MYOF: variants seen among roughly 807,000 people sequenced by gnomAD.
MYOF encodes the protein fer-1-like 3, myoferlin.
Under a neutral mutation model 284.2 loss-of-function variants are expected in MYOF, and 244 were observed. That is an observed-to-expected ratio of 0.86 (90% CI 0.77 to 0.95). The LOEUF (loss-of-function observed/expected upper bound fraction) is 0.95, where lower values mean the gene tolerates loss of function less well. Among genes scored for constraint, MYOF ranks in the 40% least tolerant of loss-of-function variants. The pLI is 0.00. For missense variants in MYOF, 2,496 were observed against 2,560.6 expected (o/e 0.97, Z 0.54); for synonymous variants, 904 against 919.7 (o/e 0.98, Z 0.31).
chr10:93,399,433 G>A lies in MYOF; in HGVS notation c.1180C>T (p.Leu394Phe). 2 of 1,613,804 alleles carry A rather than the reference G, an allele frequency of 1.2e-6. No individual in the cohort carries two copies. Among genetic ancestry groups the A allele is most frequent in the East Asian group, 2.2e-5 (1 of 44,842 alleles). ...IFGGNADKKN[L>F]VDPFVEVSFA... ...GAAACTTCTACAAAAGGATCCACGA[G>A]ATTTTTCTTATCTGCATTGCCTCCA... The change falls in exon 13 of 54, where the codon CTC becomes TTC. Residue 394 changes from leucine to phenylalanine, a missense_variant. This residue lies in a region of MYOF where 2,436 missense variants were observed against 2,480.7 expected (regional missense o/e 0.98). Transcript: ENST00000359263.
At position 93,310,414 on chromosome 10, in the gene MYOF, C is replaced by G. The variant is rs892161199; in HGVS notation, c.5999+120G>C. The G allele has an allele frequency of 7.5e-6, 8 of 1,071,938 alleles. No homozygotes were observed. In the African/African-American group the frequency reaches 1.3e-4, roughly 17 times the overall value. 66.4% of individuals were successfully genotyped at this position (1,071,938 alleles called of 1,614,324 possible). A position where few individuals can be genotyped will look rare whatever the true frequency, so the allele number is the denominator to read the frequency against. ...CACCAACCTCTCCACCCCCACCCAC[C>G]ACTATTAAATACCAGATTAGGAGGA... On this transcript the variant is annotated intron_variant, in intron 52 of 53. Transcript: ENST00000359263.
chr10:93,307,630 T>C (rs1267173285), intron 53 of MYOF, among the ~76,000 whole-genome samples: 19 of 151,094 alleles, frequency 1.3e-4, no homozygotes, highest in Admixed American at 1.3e-3. Flanking sequence ...ATAGAATTTT[T>C]TTTTTTTTTT....
At chr10:93,481,923 G>A (rs7912414) in intron 1 of MYOF, among the ~76,000 whole-genome samples, 184 bp downstream of exon 1, 26,400 of 152,066 alleles carry the variant, frequency 0.17, 2,665 homozygotes, top group East Asian at 0.52. Flanking sequence ...TGAGTCTCAA[G>A]CCCTGGAGAA....
chr10:93,381,154 T>G, intron 20 of MYOF, 65 bp downstream of exon 20: 1 of 1,539,796 alleles, frequency 6.5e-7, no homozygotes, highest in Non-Finnish European at 8.9e-7. Flanking sequence ...GACACAGTGC[T>G]TGCTTCCGGT....
chr10:93,428,611 AG>A (rs1848702797), intron 4 of MYOF, among the ~76,000 whole-genome samples: 25 of 140,804 alleles, frequency 1.8e-4, no homozygotes, highest in African/African-American at 6.7e-4. Flanking sequence ...ACACACACAC[AG>A]TGCATTGCCC....
intron 5 of MYOF, among the ~76,000 whole-genome samples, chr10:93,412,260 C>T (rs1037786639): frequency 2.6e-5 from 4 of 152,168 alleles, no homozygotes; most frequent in Admixed American, 6.5e-5. Flanking sequence ...ACATGTTATG[C>T]TCCTAGTACC....
intron 22 of MYOF, among the ~76,000 whole-genome samples, chr10:93,376,995 G>T (rs184458043): frequency 8.4e-4 from 128 of 152,258 alleles, no homozygotes; most frequent in African/African-American, 2.6e-3. Flanking sequence ...CAGGGTGGGG[G>T]TCATTCTTGG....
chr10:93,371,909 C>T (rs1044258594), intron 24 of MYOF, among the ~76,000 whole-genome samples: 4 of 152,194 alleles, frequency 2.6e-5, no homozygotes, highest in African/African-American at 9.7e-5. Flanking sequence ...GTGCCTTTGT[C>T]TCCTCTCCCA....
Position 93,372,911 on chromosome 10 carries a change from A to G in MYOF, c.2457+19T>C. On this transcript the variant is annotated intron_variant, in intron 24 of 53. Transcript: ENST00000359263. ...TTTTGCATTTAGTGTGTTTCACATGACACAGTGAAGATATGTACCTTCAGA... is the reference window on the plus strand; with the variant it reads ...TTTTGCATTTAGTGTGTTTCACATGGCACAGTGAAGATATGTACCTTCAGA... The G allele has an allele frequency of 6.2e-7, 1 of 1,613,866 alleles. No homozygotes were observed. Among genetic ancestry groups the G allele is most frequent in the Non-Finnish European group, 8.5e-7 (1 of 1,179,748 alleles).
chr10:93,422,867 T>C (rs1341007759), intron 5 of MYOF, among the ~76,000 whole-genome samples: 2 of 152,332 alleles, frequency 1.3e-5, no homozygotes, highest in East Asian at 1.9e-4. Flanking sequence ...GGTGTGGCGC[T>C]GATCTCTTTA....
intron 3 of MYOF, among the ~76,000 whole-genome samples, chr10:93,439,559 A>G (rs575436566): frequency 1.3e-5 from 2 of 152,346 alleles, no homozygotes; most frequent in South Asian, 2.1e-4. Flanking sequence ...CCTGATGACT[A>G]GGAACGTGGA....
intron 45 of MYOF, 42 bp from the exon 46 acceptor site, chr10:93,326,007 G>T (rs371246922): frequency 1.9e-6 from 3 of 1,612,874 alleles, no homozygotes; most frequent in African/African-American, 2.7e-5. Flanking sequence ...GAGTATTTGG[G>T]AATAGTTCAG....
chr10:93,422,071 C>T (rs562729006), intron 5 of MYOF, among the ~76,000 whole-genome samples: 15 of 152,120 alleles, frequency 9.9e-5, no homozygotes, highest in African/African-American at 2.9e-4. Flanking sequence ...TCAAAGAGCC[C>T]GGTTTATTTT....
intron 51 of MYOF, among the ~76,000 whole-genome samples, chr10:93,312,817 C>G (rs548267506): frequency 6.6e-6 from 1 of 152,296 alleles, no homozygotes; most frequent in East Asian, 1.9e-4. Flanking sequence ...TCCTCCAACT[C>G]CAAACACATG....
intron 36 of MYOF, 151 bp from the exon 37 acceptor site, chr10:93,347,933 C>T: frequency 2.5e-6 from 2 of 789,784 alleles, no homozygotes; most frequent in South Asian, 4.4e-5. Context: ...GCAAGGAGCT[C>T]CGTGCTTAAG....
At chr10:93,313,763 C>G (rs571411231) in intron 50 of MYOF, among the ~76,000 whole-genome samples, 1 of 151,978 alleles carries the variant, frequency 6.6e-6, no homozygotes, top group Non-Finnish European at 1.5e-5. Flanking sequence ...TAGCCGGGCA[C>G]GATGGCACAC....
chr10:93,377,308 G>T lies in MYOF; in HGVS notation c.2108+15C>A. The T allele has an allele frequency of 6.3e-7, 1 of 1,589,252 alleles. No homozygotes were observed. Among genetic ancestry groups the T allele is most frequent in the Non-Finnish European group, 8.6e-7 (1 of 1,157,640 alleles). On this transcript the variant is annotated intron_variant, in intron 22 of 53. Transcript: ENST00000359263. ...CCTGGATGAAAATTCTGAGATAGGC[G>T]TAAGATCACTGTACCTCGTGTCTTC...
chr10:93,442,996 T>TA (rs201475317), intron 3 of MYOF, among the ~76,000 whole-genome samples: 7,168 of 151,814 alleles, frequency 0.047, 220 homozygotes, highest in Non-Finnish European at 0.071. Flanking sequence ...CCGTCTCTGG[T>TA]AAAAAAAATA....
In MYOF at chr10:93,363,992, C is replaced by T. The variant is rs764604249; in HGVS notation, c.2837G>A (p.Trp946Ter). Residue 946 changes from tryptophan (W) to a stop codon, truncating the protein, a stop_gained, in exon 27 of 54, where the codon TGG becomes TAG. Transcript: ENST00000359263. LOFTEE classifies it high-confidence loss of function. ...CGTGTAGGTGTCCTCGGCCGGCTTCCAGTCGCCCCCGGGGTAGCGGCTCTC... is the reference window on the plus strand; with the variant it reads ...CGTGTAGGTGTCCTCGGCCGGCTTCTAGTCGCCCCCGGGGTAGCGGCTCTC... ...QNESRYPGGD[W>*]KPAEDTYTDA... The T allele has an allele frequency of 8.1e-6, 13 of 1,614,084 alleles. No homozygotes were observed. The African/African-American group carries it at 1.3e-4, about 17-fold the overall frequency.
Sources: gnomAD v4.1 joint callset for allele counts (sites outside exome capture counted in the v4.1 genomes callset) on GRCh38, gnomAD v4.1.1 for gene constraint, gnomAD v4.1.1 regional missense constraint, MANE v1.5 for transcripts, NCBI Gene and HGNC (gene_info 2026-07-23, HGNC 2026-07-21) for gene names.